EBF3: variants seen among roughly 807,000 people sequenced by gnomAD.
EBF3 encodes EBF transcription factor 3.
A neutral mutation model predicts 77.1 loss-of-function variants in EBF3; 18 were observed. That is an observed-to-expected ratio of 0.23 (90% CI 0.16 to 0.35). EBF3 has a LOEUF of 0.35. Among genes scored for constraint, EBF3 ranks in the 10% least tolerant of loss-of-function variants. The pLI, the probability that EBF3 is intolerant of heterozygous loss-of-function variation, is 1.00. For missense variants in EBF3, 558 were observed against 860.0 expected, an observed-to-expected ratio of 0.65 and a Z score of 4.39; for synonymous variants, 350 against 343.5, an observed-to-expected ratio of 1.02 and a Z score of -0.21.
chr10:129,919,605 G>A (rs1021815274), intron 6 of EBF3, among the ~76,000 whole-genome samples: 4 of 152,198 alleles, frequency 2.6e-5, no homozygotes, highest in African/African-American at 9.7e-5. Context: ...CCCTTGGTAA[G>A]CCTGACTGGG....
At chr10:129,886,615 G>A (rs1226823873) in intron 6 of EBF3, among the ~76,000 whole-genome samples, 1 of 152,192 alleles carries the variant, frequency 6.6e-6, no homozygotes, top group African/African-American at 2.4e-5. Flanking sequence ...ATATTTCACA[G>A]ATTATCTGTT....
Position 129,841,029 on chromosome 10 carries a change from C to A in EBF3, c.1376G>T (p.Gly459Val). The change falls in exon 14 of 17, where the codon GGC (glycine) becomes GTC (valine). Residue 459 changes from glycine (G) to valine (V), a missense_variant. Gly to Val is a moderately radical substitution (Grantham distance 109). Transcript: ENST00000440978. This position sits in a 1 kb window ranked among gnomAD's most constrained non-coding sequence, Gnocchi z 4.6. ...SETSQANDQV[G>V]YSRNTSSVSP... ...CACGCTGCTTGTATTGCGACTGTAG[C>A]CGACTGTTGAAATCCCCCCCCCGGC... 1 of 1,593,936 alleles carries A rather than the reference C, an allele frequency of 6.3e-7. No homozygotes were observed. Among genetic ancestry groups the A allele is most frequent in the Non-Finnish European group, 8.5e-7 (1 of 1,171,130 alleles).
Position 129,835,274 on chromosome 10 carries a change from A to T in EBF3, c.*2669T>A, listed in dbSNP as rs1488897789. 1 of 152,664 alleles carries T rather than the reference A, an allele frequency of 6.6e-6. No homozygotes were observed. Among genetic ancestry groups the T allele is most frequent in the African/African-American group, 2.4e-5 (1 of 41,462 alleles). The allele number at this position is 152,664 out of a possible 1,614,324, so 9.5% of individuals were successfully genotyped here. ...TTAATAATCAAAAACAGAGAAAATT[A>T]CCAAAAGTGAAATTCACAGACAAGA... is the stretch of plus-strand genomic sequence containing the variant. On this transcript the variant is annotated 3_prime_UTR_variant, in exon 17 of 17. Coordinates refer to ENST00000440978, the MANE Select transcript of EBF3 (RefSeq NM_001375380.1).
chr10:129,931,831 T>C (rs1029078123), intron 6 of EBF3, among the ~76,000 whole-genome samples: 2 of 152,206 alleles, frequency 1.3e-5, no homozygotes, highest in African/African-American at 2.4e-5. Context: ...CCCAACCCAG[T>C]AGACCAGGCA....
At position 129,841,045 on chromosome 10, in the gene EBF3, C is replaced by CCCG. The variant is rs367847775; in HGVS notation, c.1373-14_1373-13insCGG. The CCCG allele has an allele frequency of 6.6e-3, 10,608 of 1,600,462 alleles. 174 individuals are homozygous for CCCG. Among genetic ancestry groups the CCCG allele is most frequent in the Non-Finnish European group, 8.2e-3 (9,564 of 1,172,706 alleles). The stretch of plus-strand genomic sequence containing the variant: ...CGACTGTAGCCGACTGTTGAAATCC[C>CCCG]CCCCCCGGCCAAAAATAACATTATT... On this transcript the variant is annotated splice_polypyrimidine_tract_variant and intron_variant, in intron 13 of 16. Transcript: ENST00000440978. The surrounding 1 kb of genome is among the most constrained non-coding windows in gnomAD (Gnocchi z 4.6).
At chr10:129,946,055 A>C (rs539978188) in intron 6 of EBF3, among the ~76,000 whole-genome samples, 34 of 152,334 alleles carry the variant, frequency 2.2e-4, no homozygotes, top group African/African-American at 7.9e-4. Context: ...TGATTTGTTA[A>C]ACACAGACAG....
Position 129,952,897 on chromosome 10 carries a change from A to G in EBF3, c.554+4361T>C, listed in dbSNP as rs532297048. 6.6e-6 allele frequency among the ~76,000 whole-genome samples: 1 copy of G among 152,334 alleles called. No homozygotes were observed. Among genetic ancestry groups the G allele is most frequent in the East Asian group, 1.9e-4 (1 of 5,190 alleles). On this transcript the variant is annotated intron_variant, in intron 6 of 16. Coordinates refer to ENST00000440978, the MANE Select transcript of EBF3 (RefSeq NM_001375380.1). The surrounding 1 kb of genome is among the most constrained non-coding windows in gnomAD (Gnocchi z 4.7). Reference sequence around the variant, plus strand: ...AAGGCGCTTTAAATGAGGTAAATGAATAAAATGTCCCAGAGCACAACTGTG... The same window carrying G: ...AAGGCGCTTTAAATGAGGTAAATGAGTAAAATGTCCCAGAGCACAACTGTG...
At chr10:129,867,688 A>G in intron 9 of EBF3, 94 bp downstream of exon 9, 2 of 1,562,980 alleles carry the variant, frequency 1.3e-6, no homozygotes, top group South Asian at 2.4e-5. Context: ...GGAATTTGCC[A>G]TAGGGCACCT....
rs988088877 is a variant in EBF3, at chr10:129,963,530, G to A, written c.135-7C>T. 160 of 1,521,722 alleles carry A rather than the reference G, an allele frequency of 1.1e-4. No individual in the cohort carries two copies. The highest frequency in any genetic ancestry group is 1.3e-4 in the Non-Finnish European group (152 of 1,131,942). 94.3% of individuals were successfully genotyped at this position (1,521,722 alleles called of 1,614,324 possible). ...CCGCGCCAGCCCCACGCCGCTGCGG[G>A]AGGAAAGAGACAGCGGCCCGGTGAG... On this transcript the variant is annotated splice_region_variant and splice_polypyrimidine_tract_variant and intron_variant, in intron 1 of 16. Transcript: ENST00000440978. The surrounding 1 kb of genome is among the most constrained non-coding windows in gnomAD (Gnocchi z 7.1).
At position 129,837,682 on chromosome 10, in the gene EBF3, CTGAGAAATG is replaced by C. The variant is rs1849693101; in HGVS notation, c.*252_*260del. 1.9e-6 allele frequency: 1 copy of C among 526,246 alleles called. No homozygotes were observed. The highest frequency in any genetic ancestry group is 3.5e-5 in the Admixed American group (1 of 28,970). The allele number at this position is 526,246 out of a possible 1,614,324, so 32.6% of individuals were successfully genotyped here. On this transcript the variant is annotated 3_prime_UTR_variant, in exon 17 of 17. Coordinates refer to ENST00000440978, the MANE Select transcript of EBF3 (RefSeq NM_001375380.1). Reference sequence around the variant, plus strand: ...GCTTTGTTTTCCTTATTCTTCAGGACTGAGAAATGTGAAAATATGAGAAAAGTTCAGTCA... The same window carrying C: ...GCTTTGTTTTCCTTATTCTTCAGGACTGAAAATATGAGAAAAGTTCAGTCA...
chr10:129,898,902 G>A (rs1854584499), intron 6 of EBF3, among the ~76,000 whole-genome samples: 1 of 152,316 alleles, frequency 6.6e-6, no homozygotes. Flanking sequence ...CCCTCTGCAC[G>A]GCTATTAATT....
chr10:129,840,128 G>A lies in EBF3; in HGVS notation c.1759+117C>T, dbSNP rs60135364. On this transcript the variant is annotated intron_variant, in intron 15 of 16. Coordinates refer to ENST00000440978, the MANE Select transcript of EBF3 (RefSeq NM_001375380.1). Reference sequence around the variant, plus strand: ...GGTGGCACGCATCAAGGTGGGCCACGGGAGAACATGCAGCAGTCACAGAGG... The same window carrying A: ...GGTGGCACGCATCAAGGTGGGCCACAGGAGAACATGCAGCAGTCACAGAGG... The A allele has an allele frequency of 0.013, 17,570 of 1,344,884 alleles. 1,748 individuals are homozygous for A. The African/African-American group carries it at 0.22, about 17-fold the overall frequency. The allele number at this position is 1,344,884 out of a possible 1,614,324, so 83.3% of individuals were successfully genotyped here. A position where few individuals can be genotyped will look rare whatever the true frequency, so the allele number is the denominator to read the frequency against.
chr10:129,957,716 A>C (rs1191555936), intron 5 of EBF3, among the ~76,000 whole-genome samples: 1 of 152,232 alleles, frequency 6.6e-6, no homozygotes, highest in East Asian at 1.9e-4. Context: ...TATTTCTGGA[A>C]AAGATGCAAG....
chr10:129,887,434 A>G (rs1401883091), intron 6 of EBF3, among the ~76,000 whole-genome samples: 1 of 152,250 alleles, frequency 6.6e-6, no homozygotes, highest in Non-Finnish European at 1.5e-5. Flanking sequence ...TAATGCAAGC[A>G]AGAAAGGTTG....
rs1852203022 is a variant in EBF3 at position 129,868,682 on chromosome 10, G to A, written c.782-770C>T. Among the ~76,000 whole-genome samples, 3 of 152,352 alleles carry A rather than the reference G, an allele frequency of 2.0e-5. No homozygotes were observed. The South Asian group carries it at 6.2e-4, about 32-fold the overall frequency. ...GGGGACCAAGAGGCCACAGCCCAGGGAGACAGGCAGGCAGGAGTCCCAGCA... is the reference window on the plus strand; with the variant it reads ...GGGGACCAAGAGGCCACAGCCCAGGAAGACAGGCAGGCAGGAGTCCCAGCA... On this transcript the variant is annotated intron_variant, in intron 8 of 16. Transcript: ENST00000440978.
intron 10 of EBF3, among the ~76,000 whole-genome samples, chr10:129,865,954 A>G (rs200766590): frequency 6.6e-6 from 1 of 151,978 alleles, no homozygotes; most frequent in Non-Finnish European, 1.5e-5. Context: ...GGCCACAGTC[A>G]CCCAGCCACT....
intron 12 of EBF3, 117 bp downstream of exon 12, chr10:129,843,020 G>A: frequency 2.1e-6 from 2 of 958,670 alleles, no homozygotes; most frequent in South Asian, 1.5e-5. Context: ...TCAGACTCCT[G>A]TGGAGTCGCT....
At chr10:129,838,703 C>T (rs1849786088) in intron 16 of EBF3, among the ~76,000 whole-genome samples, 1 of 152,234 alleles carries the variant, frequency 6.6e-6, no homozygotes, top group African/African-American at 2.4e-5. Flanking sequence ...TCTTTTACCG[C>T]TGGTGTTGTT....
intron 6 of EBF3, among the ~76,000 whole-genome samples, chr10:129,921,089 A>G (rs912235632): frequency 6.6e-6 from 1 of 152,200 alleles, no homozygotes; most frequent in Non-Finnish European, 1.5e-5. Flanking sequence ...TCATCGGCTA[A>G]AAGTACACAA....
Sources: allele counts gnomAD v4.1 joint callset (sites outside exome capture counted in the v4.1 genomes callset), GRCh38; gene constraint gnomAD v4.1.1; non-coding constraint Gnocchi (gnomAD v3.1); transcripts MANE v1.5; gene names NCBI Gene and HGNC (gene_info 2026-07-23, HGNC 2026-07-21).